The following CPNE8 variants were observed in gnomAD, a reference collection of about 807,000 sequenced individuals.
CPNE8 encodes the protein copine 8.
CPNE8 carries 45 observed loss-of-function variants against 81.5 expected under a neutral mutation model. The ratio of observed to expected loss-of-function variants is 0.55; its 90% CI spans 0.44 to 0.71. The LOEUF (loss-of-function observed/expected upper bound fraction) is 0.71, where lower values mean the gene tolerates loss of function less well. Ranked by LOEUF, CPNE8 falls within the 30% of genes least tolerant of loss-of-function variation. CPNE8 has a pLI of 0.00. For missense variants in CPNE8, 594 were observed against 672.1 expected (o/e 0.88, Z 1.28); for synonymous variants, 252 against 226.3 (o/e 1.11, Z -1.02).
chr12:38,783,100 T>A (rs949288627), intron 6 of CPNE8, among the ~76,000 whole-genome samples: 1 of 152,194 alleles, frequency 6.6e-6, no homozygotes, highest in Non-Finnish European at 1.5e-5. Flanking sequence ...CATAGAATAA[T>A]AAAACTCATC....
At chr12:38,662,060 G>T (rs1938969247) in intron 19 of CPNE8, among the ~76,000 whole-genome samples, 2 of 152,102 alleles carry the variant, frequency 1.3e-5, no homozygotes. Context: ...ATAGTGAATG[G>T]AAAATGTTGA....
intron 10 of CPNE8, among the ~76,000 whole-genome samples, chr12:38,756,640 A>G (rs1261127040): frequency 6.6e-6 from 1 of 152,214 alleles, no homozygotes. Context: ...GTTTTCTATG[A>G]GTAAATTTAC....
intron 10 of CPNE8, among the ~76,000 whole-genome samples, chr12:38,742,407 T>C (rs1941128227): frequency 6.6e-6 from 1 of 152,002 alleles, no homozygotes; most frequent in Admixed American, 6.6e-5. Flanking sequence ...GAAACCATCA[T>C]TCTCAGCAAA....
chr12:38,784,022 T>C (rs1565613191), intron 6 of CPNE8, among the ~76,000 whole-genome samples: 3 of 151,992 alleles, frequency 2.0e-5, no homozygotes, highest in Non-Finnish European at 4.4e-5. Flanking sequence ...ATGAACTAAA[T>C]AAAGCACCAG....
intron 6 of CPNE8, among the ~76,000 whole-genome samples, chr12:38,796,565 G>A (rs1942479172): frequency 6.6e-6 from 1 of 152,136 alleles, no homozygotes; most frequent in Non-Finnish European, 1.5e-5. Flanking sequence ...AAGGGAGGCA[G>A]CCAAGATGGC....
chr12:38,809,302 G>A (rs1284595550), intron 6 of CPNE8, among the ~76,000 whole-genome samples: 1 of 152,074 alleles, frequency 6.6e-6, no homozygotes, highest in Non-Finnish European at 1.5e-5. Context: ...TCCTTCTCAC[G>A]GTTTCCACGT....
At chr12:38,780,167 C>A (rs913886085) in intron 6 of CPNE8, among the ~76,000 whole-genome samples, 2 of 152,206 alleles carry the variant, frequency 1.3e-5, no homozygotes, top group East Asian at 3.9e-4. Context: ...ATTAAAGGGA[C>A]TATCTGCTCC....
At chr12:38,805,795 C>A (rs1170289455) in intron 6 of CPNE8, among the ~76,000 whole-genome samples, 12 of 148,402 alleles carry the variant, frequency 8.1e-5, no homozygotes, top group South Asian at 2.2e-4. Flanking sequence ...AAAACCCTTC[C>A]AAAAATCAAT....
At chr12:38,694,015 T>C (rs944266784) in intron 14 of CPNE8, among the ~76,000 whole-genome samples, 177 bp from the exon 15 acceptor site, 6 of 152,196 alleles carry the variant, frequency 3.9e-5, no homozygotes, top group African/African-American at 1.4e-4. Context: ...TGTTATATTA[T>C]ATTAGACATA....
chr12:38,857,215 G>A (rs901390586), intron 3 of CPNE8, among the ~76,000 whole-genome samples: 1 of 152,002 alleles, frequency 6.6e-6, no homozygotes, highest in African/African-American at 2.4e-5. Context: ...TATTATTCAT[G>A]CCAATGTAGC....
intron 1 of CPNE8, among the ~76,000 whole-genome samples, chr12:38,880,447 T>C (rs974928584): frequency 2.0e-5 from 3 of 152,174 alleles, no homozygotes; most frequent in Non-Finnish European, 4.4e-5. Context: ...TGTTTTATTA[T>C]AGAAGGCAGA....
At chr12:38,716,835 C>A (rs1040900069) in intron 13 of CPNE8, among the ~76,000 whole-genome samples, 1 of 152,112 alleles carries the variant, frequency 6.6e-6, no homozygotes, top group African/African-American at 2.4e-5. Context: ...AAGAAATAAT[C>A]AGCAGAGTAA....
intron 19 of CPNE8, among the ~76,000 whole-genome samples, chr12:38,661,654 A>G (rs927897415): frequency 6.6e-6 from 1 of 152,146 alleles, no homozygotes; most frequent in Non-Finnish European, 1.5e-5. Flanking sequence ...AATGTATTCC[A>G]CAAGGCCAGA....
At chr12:38,808,756 TAATAA>T (rs201080331) in intron 6 of CPNE8, among the ~76,000 whole-genome samples, 2,959 of 150,012 alleles carry the variant, frequency 0.02, 200 homozygotes, top group East Asian at 0.19. Flanking sequence ...AGTATAATAA[TAATAA>T]AATAAAATAA....
intron 6 of CPNE8, among the ~76,000 whole-genome samples, chr12:38,785,646 A>T (rs993624410): frequency 2.6e-5 from 4 of 152,204 alleles, no homozygotes; most frequent in Non-Finnish European, 5.9e-5. Context: ...TGGAACTATG[A>T]GTCAATTAAA....
chr12:38,659,628 AT>A (rs1938904528), intron 19 of CPNE8, among the ~76,000 whole-genome samples: 1 of 152,214 alleles, frequency 6.6e-6, no homozygotes, highest in Non-Finnish European at 1.5e-5. Flanking sequence ...GTATTCCAAA[AT>A]TGACCACAGA....
chr12:38,729,915 A>G (rs2136762651), intron 11 of CPNE8, among the ~76,000 whole-genome samples: 1 of 151,900 alleles, frequency 6.6e-6, no homozygotes, highest in Non-Finnish European at 1.5e-5. Flanking sequence ...TGCAGACCAC[A>G]GCTCATTTTA....
intron 6 of CPNE8, among the ~76,000 whole-genome samples, chr12:38,823,542 C>T (rs1943140472): frequency 6.6e-6 from 1 of 152,180 alleles, no homozygotes; most frequent in Admixed American, 6.5e-5. Flanking sequence ...AAAACAGCTG[C>T]TGGTACCATT....
chr12:38,906,677 G>C, upstream of CPNE8: 1 of 900,844 alleles, frequency 1.1e-6, no homozygotes, highest in Non-Finnish European at 1.3e-6. Flanking sequence ...ACGGAGTCGT[G>C]GCAAAAGCAT....
Sources: gnomAD v4.1 joint callset for allele counts (sites outside exome capture counted in the v4.1 genomes callset) on GRCh38, gnomAD v4.1.1 for gene constraint, MANE v1.5 for transcripts, NCBI Gene and HGNC (gene_info 2026-07-23, HGNC 2026-07-21) for gene names.